Variants in RNF215 observed in about 807,000 individuals in gnomAD.
RNF215 encodes the protein ring finger protein 215.
RNF215 carries 41 observed loss-of-function variants against 44.8 expected under a neutral mutation model. The observed-to-expected ratio is 0.92, with a 90% CI of 0.71 to 1.19. RNF215 has a LOEUF of 1.19. Among genes scored for constraint, RNF215 ranks in the 50% most tolerant of loss-of-function variants. The probability of loss-of-function intolerance (pLI) is 0.00; values close to 1 mark genes in which losing one functional copy is unlikely to be tolerated. For missense variants in RNF215, 452 were observed against 496.2 expected (o/e 0.91, Z 0.85); for synonymous variants, 218 against 230.1 (o/e 0.95, Z 0.48).
chr22:30,382,659 T>G (rs1479366738), intron 5 of RNF215, among the ~76,000 whole-genome samples: 1 of 152,072 alleles, frequency 6.6e-6, no homozygotes, highest in Non-Finnish European at 1.5e-5. Flanking sequence ...GAAGCTCCGC[T>G]GCAGGCCAAA....
At position 30,384,366 on chromosome 22, in the gene RNF215, G is replaced by A; in HGVS notation, c.717C>T (p.Cys239=). The A allele has an allele frequency of 2.5e-6, 4 of 1,613,938 alleles. No homozygotes were observed. The highest frequency in any genetic ancestry group is 3.4e-6 in the Non-Finnish European group (4 of 1,179,908). ...DGYGGWQDLV[C]LGGSRAQEQK... Reference sequence around the variant, plus strand: ...GCTCCTGGGCACGACTGCCTCCAAGGCAGACCAAGTCCTGCCATCCTCCAT... The same window carrying A: ...GCTCCTGGGCACGACTGCCTCCAAGACAGACCAAGTCCTGCCATCCTCCAT... Residue 239 remains cysteine (C), a synonymous_variant, in exon 5 of 9, where the codon TGC becomes TGT. Transcript: ENST00000382363.
Position 30,380,109 on chromosome 22 carries a change from C to T in RNF215, c.961G>A (p.Gly321Ser), listed in dbSNP as rs1296414382. The change falls in exon 7 of 9, where the codon GGT (glycine) becomes AGT (serine). Residue 321 changes from glycine (G) to serine (S), a missense_variant. Physicochemically the swap from Gly to Ser is moderately conservative, Grantham distance 56. Transcript: ENST00000382363. This position sits in a 1 kb window ranked among gnomAD's most constrained non-coding sequence, Gnocchi z 5.3. ...AGGCACACCGCACAGGTCTCAGCAC[C>T]CGGATCTGGGAGGCCCTGCGCTGCC... ...SRAAQGLPDP[G>S]AETCAVCLDY... is the part of the protein sequence containing the mutation. 6.2e-7 allele frequency: 1 copy of T among 1,613,924 alleles called. No homozygotes were observed. Among genetic ancestry groups the T allele is most frequent in the Non-Finnish European group, 8.5e-7 (1 of 1,179,978 alleles).
chr22:30,386,833 T>C, intron 1 of RNF215, 74 bp from the exon 2 acceptor site: 2 of 1,538,140 alleles, frequency 1.3e-6, no homozygotes, highest in Non-Finnish European at 1.7e-6. Flanking sequence ...TCACAGTGGA[T>C]GCCAAGGCCA....
chr22:30,381,451 G>A (rs530223174), intron 5 of RNF215, among the ~76,000 whole-genome samples: 68 of 152,342 alleles, frequency 4.5e-4, no homozygotes, highest in South Asian at 1.2e-3. Context: ...CCCAGATGCG[G>A]TGTGGCTGCT....
intron 4 of RNF215, among the ~76,000 whole-genome samples, chr22:30,385,335 T>C (rs565665164): frequency 6.9e-6 from 1 of 145,430 alleles, no homozygotes; most frequent in African/African-American, 2.6e-5. Context: ...GGTGGGAGAA[T>C]GGCATGAACC....
At position 30,379,784 on chromosome 22, in the gene RNF215, C is replaced by T. The variant is rs1006052492; in HGVS notation, c.1038G>A (p.Glu346=). 1.1e-5 allele frequency: 18 copies of T among 1,570,118 alleles called. No homozygotes were observed. The highest frequency in any genetic ancestry group is 2.6e-6 in the Non-Finnish European group (3 of 1,158,846). ...QWLRVLPCKH[E]FHRDCVDPWL... ...AGGGGTCCACACAGTCTCGGTGAAA[C>T]TCGTGCTTACAGGGCAGCACCCGGA... is the stretch of plus-strand genomic sequence containing the variant. The change falls in exon 8 of 9, where the codon GAG becomes GAA. Residue 346 remains glutamate, a synonymous_variant. Coordinates refer to ENST00000382363, the MANE Select transcript of RNF215 (RefSeq NM_001017981.2).
At chr22:30,379,919 C>T in intron 7 of RNF215, 106 bp from the exon 8 acceptor site, 1 of 1,516,664 alleles carries the variant, frequency 6.6e-7, no homozygotes, top group Non-Finnish European at 9.1e-7. Context: ...AACCTCACGG[C>T]TTCCCCCACC....
intron 5 of RNF215, among the ~76,000 whole-genome samples, chr22:30,383,796 A>AAG (rs368867854): frequency 4.6e-5 from 7 of 152,064 alleles, no homozygotes; most frequent in East Asian, 3.9e-4. Context: ...TGTGATACAA[A>AAG]AGAGAGAGAG....
chr22:30,387,030 A>G lies in RNF215; in HGVS notation c.284T>C (p.Leu95Pro), dbSNP rs1489726463. 12 of 1,543,830 alleles carry G rather than the reference A, an allele frequency of 7.8e-6. No homozygotes were observed. The highest frequency in any genetic ancestry group is 8.7e-6 in the Non-Finnish European group (10 of 1,150,130). The stretch of plus-strand genomic sequence containing the variant: ...GCCAGATGGCTCAGCAGCGCTCACC[A>G]GCAGCAGACGACCGCCCAGCAGGGG... ...PAPLLGGRLL[L>P]MDIVDAEQEA... The change falls in exon 1 of 9, where the codon CTG becomes CCG. Residue 95 changes from leucine (L) to proline (P), a missense_variant and splice_region_variant. Physicochemically the swap from Leu to Pro is moderately conservative, Grantham distance 98. Coordinates refer to ENST00000382363, the MANE Select transcript of RNF215 (RefSeq NM_001017981.2).
In RNF215 at chr22:30,386,175, T is replaced by C. The variant is rs747041521; in HGVS notation, c.430-34A>G. On this transcript the variant is annotated intron_variant, in intron 2 of 8. Transcript: ENST00000382363. ...GGATAGAAGGCGAGAGGCTAGCATATACCCTGCCTGCACACCTGTCTCACC... is the reference window on the plus strand; with the variant it reads ...GGATAGAAGGCGAGAGGCTAGCATACACCCTGCCTGCACACCTGTCTCACC... 4 of 1,552,564 alleles carry C rather than the reference T, an allele frequency of 2.6e-6. No homozygotes were observed. In the South Asian group the frequency reaches 3.5e-5, roughly 14 times the overall value.
chr22:30,387,065 G>A lies in RNF215; in HGVS notation c.249C>T (p.Ala83=). ...VLEGVRIGSE[A]DPAPLLGGRL... ...GACCGCCCAGCAGGGGCGCCGGGTC[G>A]GCTTCGGAGCCGATCCTGACGCCCT... The change falls in exon 1 of 9, where the codon GCC becomes GCT. Residue 83 remains alanine (A), a synonymous_variant. Transcript: ENST00000382363. The A allele has an allele frequency of 6.5e-7, 1 of 1,542,956 alleles. No individual in the cohort carries two copies. Among genetic ancestry groups the A allele is most frequent in the South Asian group, 1.2e-5 (1 of 84,450 alleles).
chr22:30,382,572 C>A (rs1352895548), intron 5 of RNF215, among the ~76,000 whole-genome samples: 1 of 152,208 alleles, frequency 6.6e-6, no homozygotes, highest in Non-Finnish European at 1.5e-5. Flanking sequence ...ATGGCATAAG[C>A]TCTCCAGGGC....
At chr22:30,382,733 T>C (rs928099064) in intron 5 of RNF215, among the ~76,000 whole-genome samples, 1 of 152,050 alleles carries the variant, frequency 6.6e-6, no homozygotes, top group Non-Finnish European at 1.5e-5. Flanking sequence ...TCAGTGCATC[T>C]TGGGGAACAC....
rs1354594403 is a variant in RNF215 at position 30,386,639 on chromosome 22, A to C, written c.406T>G (p.Tyr136Asp). The C allele has an allele frequency of 5.0e-6, 8 of 1,613,102 alleles. No homozygotes were observed. Among genetic ancestry groups the C allele is most frequent in the Non-Finnish European group, 6.8e-6 (8 of 1,179,910 alleles). ...QENKGSGPQA[Y>D]PKALVQQMRR... is the part of the protein sequence containing the mutation. Reference sequence around the variant, plus strand: ...ACCTGCTGGACCAGGGCCTTGGGATAGGCCTGCGGGCCACTGCCCTTATTC... The same window carrying C: ...ACCTGCTGGACCAGGGCCTTGGGATCGGCCTGCGGGCCACTGCCCTTATTC... Residue 136 changes from tyrosine (Y) to aspartate (D), a missense_variant, in exon 2 of 9, where the codon TAT (tyrosine) becomes GAT (aspartate). Transcript: ENST00000382363.
At chr22:30,381,842 TCCAGCTGCAGCTGGGCAGTG>T (rs1459267787) in intron 5 of RNF215, among the ~76,000 whole-genome samples, 2 of 152,178 alleles carry the variant, frequency 1.3e-5, no homozygotes, top group African/African-American at 2.4e-5. Flanking sequence ...TCTTCTCTCC[TCCAGCTGCAGCTGGGCAGTG>T]CCACCTGTTC....
intron 5 of RNF215, among the ~76,000 whole-genome samples, chr22:30,381,799 C>T (rs1254167936): frequency 3.9e-5 from 6 of 152,210 alleles, no homozygotes. Context: ...TGGGAAGTGT[C>T]TGTGAGCCCC....
chr22:30,379,676 A>G (rs903308596), intron 8 of RNF215, 35 bp downstream of exon 8: 2 of 1,552,280 alleles, frequency 1.3e-6, no homozygotes, highest in African/African-American at 2.7e-5. Flanking sequence ...AGGAGCAGGC[A>G]GAGTAGGCCG....
chr22:30,386,874 G>A, intron 1 of RNF215, 115 bp from the exon 2 acceptor site: 2 of 1,486,070 alleles, frequency 1.3e-6, no homozygotes, highest in South Asian at 2.6e-5. Flanking sequence ...TCTCTGGTTT[G>A]GGAAGCCGGA....
At chr22:30,386,979 G>A in intron 1 of RNF215, 50 bp downstream of exon 1, 2 of 1,530,318 alleles carry the variant, frequency 1.3e-6, no homozygotes, top group Non-Finnish European at 1.7e-6. Flanking sequence ...CTCTAGGGAG[G>A]GTTGAGAGAG....
Sources: gnomAD v4.1 joint callset for allele counts (sites outside exome capture counted in the v4.1 genomes callset) on GRCh38, gnomAD v4.1.1 for gene constraint, Gnocchi (gnomAD v3.1) non-coding constraint, MANE v1.5 for transcripts, NCBI Gene and HGNC (gene_info 2026-07-23, HGNC 2026-07-21) for gene names.